Variants in PPIL6 observed in about 807,000 individuals in gnomAD.
The protein encoded by PPIL6 is peptidylprolyl isomerase like 6.
In PPIL6, 39 loss-of-function variants were observed where a neutral mutation model predicts 36.8. The ratio of observed to expected loss-of-function variants is 1.06; its 90% CI spans 0.82 to 1.38. PPIL6 has a LOEUF of 1.38. PPIL6 is among the 40% of genes most tolerant of loss of function. The probability of loss-of-function intolerance (pLI) is 0.00; values close to 1 mark genes in which losing one functional copy is unlikely to be tolerated. For synonymous variants in PPIL6, 123 were observed against 134.1 expected, an observed-to-expected ratio of 0.92 and a Z score of 0.57; for missense variants, 368 against 379.1, an observed-to-expected ratio of 0.97 and a Z score of 0.24.
At chr6:109,399,405 G>A (rs1257833743) in intron 7 of PPIL6, among the ~76,000 whole-genome samples, 1 of 147,454 alleles carries the variant, frequency 6.8e-6, no homozygotes, top group East Asian at 2.2e-4. Context: ...CACTGCACCC[G>A]GCCTATTTAT....
chr6:109,431,564 A>G (rs1426845835), intron 2 of PPIL6, among the ~76,000 whole-genome samples: 1 of 152,200 alleles, frequency 6.6e-6, no homozygotes, highest in East Asian at 1.9e-4. Flanking sequence ...GTAAAGAATG[A>G]TCTAAAAAGT....
At chr6:109,422,373 T>C (rs763520914) in intron 5 of PPIL6, among the ~76,000 whole-genome samples, 11 of 151,878 alleles carry the variant, frequency 7.2e-5, no homozygotes, top group Non-Finnish European at 1.2e-4. Context: ...GGATTCATTG[T>C]TTGAGTCCAG....
intron 6 of PPIL6, among the ~76,000 whole-genome samples, chr6:109,404,000 C>T (rs954917266): frequency 2.6e-5 from 4 of 152,166 alleles, no homozygotes; most frequent in Admixed American, 6.5e-5. Flanking sequence ...ACTCATCTTT[C>T]CTTCTGGAAC....
chr6:109,412,240 T>A (rs1038830348), intron 6 of PPIL6, among the ~76,000 whole-genome samples: 1 of 152,238 alleles, frequency 6.6e-6, no homozygotes, highest in Non-Finnish European at 1.5e-5. Context: ...TGTCCTGAGC[T>A]GCTACTCTCT....
At chr6:109,412,326 A>G (rs879329963) in intron 6 of PPIL6, among the ~76,000 whole-genome samples, 14 of 152,230 alleles carry the variant, frequency 9.2e-5, no homozygotes, top group Non-Finnish European at 2.1e-4. Flanking sequence ...CTGCCTGTTC[A>G]ATAAAGCTGT....
chr6:109,406,217 AT>A (rs397887454), intron 6 of PPIL6, among the ~76,000 whole-genome samples: 718 of 140,236 alleles, frequency 5.1e-3, no homozygotes, highest in Middle Eastern at 0.015. Context: ...CGCCCAGCTA[AT>A]TTTTTTTTTT....
intron 6 of PPIL6, among the ~76,000 whole-genome samples, chr6:109,415,084 G>A (rs1183268553): frequency 2.0e-5 from 3 of 152,168 alleles, no homozygotes; most frequent in East Asian, 1.9e-4. Flanking sequence ...AGAAGGAGTT[G>A]GTCTTGCTGT....
At chr6:109,420,905 C>A (rs765777917) in intron 5 of PPIL6, among the ~76,000 whole-genome samples, 9 of 152,156 alleles carry the variant, frequency 5.9e-5, no homozygotes, top group Non-Finnish European at 1.3e-4. Context: ...AATTGACAAG[C>A]CTTAAGTCTC....
intron 5 of PPIL6, among the ~76,000 whole-genome samples, chr6:109,421,596 T>C (rs1773541375): frequency 6.6e-6 from 1 of 152,206 alleles, no homozygotes; most frequent in Non-Finnish European, 1.5e-5. Flanking sequence ...ATGATGATGA[T>C]AATAAAATGC....
chr6:109,396,109 C>T (rs959791093), intron 7 of PPIL6, among the ~76,000 whole-genome samples: 7 of 152,098 alleles, frequency 4.6e-5, no homozygotes, highest in African/African-American at 1.7e-4. Context: ...TGCTTCTCTA[C>T]TCTAACTTCT....
At chr6:109,430,332 T>A (rs1322279731) in intron 3 of PPIL6, among the ~76,000 whole-genome samples, 1 of 152,118 alleles carries the variant, frequency 6.6e-6, no homozygotes, top group Non-Finnish European at 1.5e-5. Flanking sequence ...TAACTATCTC[T>A]CATCCCTGGA....
intron 6 of PPIL6, chr6:109,404,865 A>G (rs933821019): frequency 2.7e-4 from 50 of 183,686 alleles, no homozygotes; most frequent in Non-Finnish European, 1.4e-4. Context: ...CAGCCTGACC[A>G]CCACAGTGAA....
intron 6 of PPIL6, among the ~76,000 whole-genome samples, chr6:109,408,469 C>G (rs1180784596): frequency 6.6e-6 from 1 of 152,082 alleles, no homozygotes; most frequent in Non-Finnish European, 1.5e-5. Context: ...AACATTTTCA[C>G]TTGAGATATA....
intron 3 of PPIL6, among the ~76,000 whole-genome samples, chr6:109,428,553 GAA>G (rs57264975): frequency 2.7e-5 from 1 of 36,942 alleles, no homozygotes; most frequent in East Asian, 8.3e-4. Flanking sequence ...ACCCTATGAA[GAA>G]AAAAAAAAAA....
intron 5 of PPIL6, 83 bp downstream of exon 5, chr6:109,426,764 C>T (rs1582582612): frequency 9.6e-6 from 9 of 937,616 alleles, no homozygotes; most frequent in East Asian, 2.5e-5. Flanking sequence ...TCTAATTCTA[C>T]ATACATTTCA....
chr6:109,401,443 A>G (rs1006079367), intron 6 of PPIL6, among the ~76,000 whole-genome samples: 1 of 152,212 alleles, frequency 6.6e-6, no homozygotes, highest in Non-Finnish European at 1.5e-5. Flanking sequence ...TTAACTGTCT[A>G]TAAGATTTTA....
intron 3 of PPIL6, among the ~76,000 whole-genome samples, chr6:109,429,377 C>G (rs1231139015): frequency 6.6e-6 from 1 of 152,240 alleles, no homozygotes; most frequent in African/African-American, 2.4e-5. Flanking sequence ...TGGATAAAAT[C>G]CAACTCCTTC....
intron 5 of PPIL6, among the ~76,000 whole-genome samples, 182 bp from the exon 6 acceptor site, chr6:109,419,425 A>G (rs1451278280): frequency 1.3e-5 from 2 of 151,976 alleles, no homozygotes; most frequent in Non-Finnish European, 1.5e-5. Context: ...GATTAAAAAA[A>G]AAAAAAAGAG....
chr6:109,440,521 G>A lies in PPIL6; in HGVS notation c.70C>T (p.Leu24=). 1 of 1,510,278 alleles carries A rather than the reference G, an allele frequency of 6.6e-7. No homozygotes were observed. The highest frequency in any genetic ancestry group is 2.7e-5 in the East Asian group (1 of 37,322). 93.6% of individuals were successfully genotyped at this position (1,510,278 alleles called of 1,614,324 possible). A position where few individuals can be genotyped will look rare whatever the true frequency, so the allele number is the denominator to read the frequency against. The change falls in exon 1 of 8, where the codon CTG becomes TTG. Residue 24 remains leucine, a synonymous_variant. Transcript: ENST00000521072. ...CGSPSLPERP[L]QVKVVGLFSC... is the part of the protein sequence containing the mutation. ...AAGAGCCCCACCACCTTCACCTGCAGCGGCCGCTCCGGCAGCGACGGCGAG... is the reference window on the plus strand; with the variant it reads ...AAGAGCCCCACCACCTTCACCTGCAACGGCCGCTCCGGCAGCGACGGCGAG...
Sources: gnomAD v4.1 joint callset for allele counts (sites outside exome capture counted in the v4.1 genomes callset) on GRCh38, gnomAD v4.1.1 for gene constraint, MANE v1.5 for transcripts, NCBI Gene and HGNC (gene_info 2026-07-23, HGNC 2026-07-21) for gene names.